LEF1: variants seen among roughly 807,000 people sequenced by gnomAD.
LEF1 encodes lymphoid enhancer binding factor 1, also known as lymphoid enhancer-binding factor 1.
A neutral mutation model predicts 51.2 loss-of-function variants in LEF1; 14 were observed. The ratio of observed to expected loss-of-function variants is 0.27; its 90% confidence interval spans 0.18 to 0.43. LEF1 has a LOEUF of 0.43. Ranked by LOEUF, LEF1 falls within the 20% of genes least tolerant of loss-of-function variation. The pLI, the probability that LEF1 is intolerant of heterozygous loss-of-function variation, is 1.00. For missense variants in LEF1, 386 were observed against 512.0 expected, an observed-to-expected ratio of 0.75 and a Z score of 2.37; for synonymous variants, 185 against 183.2, an observed-to-expected ratio of 1.01 and a Z score of -0.08.
intron 3 of LEF1, among the ~76,000 whole-genome samples, chr4:108,136,014 C>T (rs1743242320): frequency 6.6e-6 from 1 of 152,068 alleles, no homozygotes; most frequent in Non-Finnish European, 1.5e-5. Context: ...TGAGCAAAAA[C>T]TGGTCTCAGC....
chr4:108,065,858 A>C (rs1738046289), intron 9 of LEF1, among the ~76,000 whole-genome samples: 1 of 152,202 alleles, frequency 6.6e-6, no homozygotes, highest in Non-Finnish European at 1.5e-5. Flanking sequence ...ATACGCTATT[A>C]AAATAATTAT....
chr4:108,164,565 A>C (rs1226026042), intron 2 of LEF1, among the ~76,000 whole-genome samples: 13 of 152,204 alleles, frequency 8.5e-5, no homozygotes, highest in Admixed American at 8.5e-4. Flanking sequence ...AATCAGAAAT[A>C]GGGAGAAAGG....
chr4:108,074,033 G>C (rs1013683420), intron 8 of LEF1, among the ~76,000 whole-genome samples: 1 of 152,114 alleles, frequency 6.6e-6, no homozygotes, highest in South Asian at 2.1e-4. Context: ...CACCGTGTTA[G>C]CCAGGAAGTT....
intron 1 of LEF1, 183 bp from the exon 2 acceptor site, chr4:108,165,346 T>G: frequency 1.9e-6 from 1 of 529,930 alleles, no homozygotes; most frequent in Non-Finnish European, 3.4e-6. Context: ...TCAACATGTA[T>G]TTTTGAGTGA....
At chr4:108,149,327 C>T (rs1306677197) in intron 3 of LEF1, among the ~76,000 whole-genome samples, 3 of 149,986 alleles carry the variant, frequency 2.0e-5, no homozygotes, top group East Asian at 1.9e-4. Context: ...GGCGTGGTGG[C>T]GGGCGCCTGT....
At chr4:108,061,090 G>T (rs950954057) in intron 11 of LEF1, among the ~76,000 whole-genome samples, 1 of 152,074 alleles carries the variant, frequency 6.6e-6, no homozygotes, top group Non-Finnish European at 1.5e-5. Flanking sequence ...TGGTGTGCAG[G>T]GCAGTGACTT....
intron 3 of LEF1, among the ~76,000 whole-genome samples, chr4:108,112,825 C>A (rs200971877): frequency 2.0e-5 from 3 of 152,178 alleles, no homozygotes; most frequent in East Asian, 3.8e-4. Flanking sequence ...TAATCCTATA[C>A]CCTTGTAGAG....
intron 3 of LEF1, among the ~76,000 whole-genome samples, chr4:108,155,295 T>C (rs1200827385): frequency 6.6e-6 from 1 of 152,214 alleles, no homozygotes; most frequent in Admixed American, 6.5e-5. Context: ...TGTTCCCTCA[T>C]ACGTCTCATT....
intron 6 of LEF1, among the ~76,000 whole-genome samples, chr4:108,080,672 T>C (rs747150344): frequency 1.3e-5 from 2 of 152,166 alleles, no homozygotes; most frequent in Non-Finnish European, 2.9e-5. Flanking sequence ...TATAAAAATA[T>C]GTTTTAAGGG....
intron 3 of LEF1, among the ~76,000 whole-genome samples, chr4:108,124,578 C>T (rs972873862): frequency 3.3e-5 from 5 of 152,192 alleles, no homozygotes; most frequent in Admixed American, 2.0e-4. Flanking sequence ...CCATGTTGGC[C>T]AGGCTGGTCT....
chr4:108,064,402 T>C lies in LEF1; in HGVS notation c.1117-18A>G, dbSNP rs754086062. 13 of 1,589,266 alleles carry C rather than the reference T, an allele frequency of 8.2e-6. No individual in the cohort carries two copies. The highest frequency in any genetic ancestry group is 1.0e-5 in the Non-Finnish European group (12 of 1,158,518). On this transcript the variant is annotated intron_variant, in intron 9 of 11. Transcript: ENST00000265165. ...TTCTTACCCTGGAAGAAGAGAGGTATACTGTCATGTCACAGATTGTACCAT... is the reference window on the plus strand; with the variant it reads ...TTCTTACCCTGGAAGAAGAGAGGTACACTGTCATGTCACAGATTGTACCAT...
At chr4:108,152,250 G>A (rs1010373251) in intron 3 of LEF1, among the ~76,000 whole-genome samples, 14 of 152,200 alleles carry the variant, frequency 9.2e-5, no homozygotes, top group Non-Finnish European at 1.5e-4. Flanking sequence ...GCGAGAGCAA[G>A]CTATAAGAAT....
chr4:108,158,117 T>C (rs140328563), intron 3 of LEF1, among the ~76,000 whole-genome samples: 56 of 152,280 alleles, frequency 3.7e-4, no homozygotes, highest in Non-Finnish European at 7.1e-4. Flanking sequence ...CTATCTGAGA[T>C]ACTGGATGAT....
chr4:108,132,658 C>CTTTTT (rs1560813326), intron 3 of LEF1, among the ~76,000 whole-genome samples: 6 of 35,732 alleles, frequency 1.7e-4, no homozygotes, highest in Non-Finnish European at 2.6e-4. Context: ...CGAAAATCTG[C>CTTTTT]CTTTTTTTTT....
intron 9 of LEF1, among the ~76,000 whole-genome samples, chr4:108,066,566 A>G (rs1738093951): frequency 6.6e-6 from 1 of 152,206 alleles, no homozygotes; most frequent in South Asian, 2.1e-4. Context: ...TAGCCAGCAC[A>G]CAGTGACCAA....
intron 8 of LEF1, chr4:108,071,958 A>G (rs1161425221): frequency 6.6e-6 from 1 of 152,212 alleles, no homozygotes; most frequent in Non-Finnish European, 1.5e-5. Flanking sequence ...CACATAAACT[A>G]TGTGCACACC....
chr4:108,082,521 TA>T (rs1739377209), intron 5 of LEF1, among the ~76,000 whole-genome samples: 1 of 151,886 alleles, frequency 6.6e-6, no homozygotes, highest in East Asian at 1.9e-4. Flanking sequence ...GGAGATGGGG[TA>T]CAATGACATG....
At chr4:108,060,748 TG>T (rs1737627337) in intron 11 of LEF1, among the ~76,000 whole-genome samples, 1 of 152,088 alleles carries the variant, frequency 6.6e-6, no homozygotes, top group South Asian at 2.1e-4. Context: ...TTTTCCTGTT[TG>T]TTTTTTTTAA....
At position 108,048,172 on chromosome 4, in the gene LEF1, T is replaced by G. The variant is rs938530180; in HGVS notation, c.*586A>C. On this transcript the variant is annotated 3_prime_UTR_variant, in exon 12 of 12. Coordinates refer to ENST00000265165, the MANE Select transcript of LEF1 (RefSeq NM_016269.5). ...AAAATTAAAACTAAAAAGTGTAAATTAAAAAAATTCAAGTTTAAAAAAGCA... is the reference window on the plus strand; with the variant it reads ...AAAATTAAAACTAAAAAGTGTAAATGAAAAAAATTCAAGTTTAAAAAAGCA... 6.6e-6 allele frequency: 1 copy of G among 151,946 alleles called. No homozygotes were observed. Among genetic ancestry groups the G allele is most frequent in the African/African-American group, 2.4e-5 (1 of 41,192 alleles). The allele number at this position is 151,946 out of a possible 1,614,324, so 9.4% of individuals were successfully genotyped here. A position where few individuals can be genotyped will look rare whatever the true frequency, so the allele number is the denominator to read the frequency against.
Sources: allele counts gnomAD v4.1 joint callset (sites outside exome capture counted in the v4.1 genomes callset), GRCh38; gene constraint gnomAD v4.1.1; transcripts MANE v1.5; gene names NCBI Gene and HGNC (gene_info 2026-07-23, HGNC 2026-07-21).